IMPG1: variants seen among roughly 807,000 people sequenced by gnomAD.
IMPG1 encodes interphotoreceptor matrix proteoglycan 1.
Under a neutral mutation model 92.0 loss-of-function variants are expected in IMPG1, and 85 were observed. The ratio of observed to expected loss-of-function variants is 0.92; its 90% CI spans 0.78 to 1.11. The LOEUF is 1.11. Among genes scored for constraint, IMPG1 ranks in the 50% least tolerant of loss-of-function variants. IMPG1 has a pLI of 0.00. For missense variants in IMPG1, 1,022 were observed against 956.0 expected (o/e 1.07, Z -0.91); for synonymous variants, 367 against 334.1 (o/e 1.10, Z -1.08).
At chr6:75,976,084 A>AT (rs1469116572) in intron 12 of IMPG1, among the ~76,000 whole-genome samples, 1 of 152,076 alleles carries the variant, frequency 6.6e-6, no homozygotes, top group African/African-American at 2.4e-5. Flanking sequence ...TCTTTGGATT[A>AT]TTTTTGGAAC....
At chr6:76,013,247 A>ACC (rs1490252627) in intron 7 of IMPG1, among the ~76,000 whole-genome samples, 1 of 151,262 alleles carries the variant, frequency 6.6e-6, no homozygotes, top group Non-Finnish European at 1.5e-5. Flanking sequence ...GGCATTTAAG[A>ACC]CCCTCCAGAA....
At chr6:75,949,280 G>C (rs141635530) in intron 13 of IMPG1, among the ~76,000 whole-genome samples, 1 of 152,278 alleles carries the variant, frequency 6.6e-6, no homozygotes, top group African/African-American at 2.4e-5. Context: ...AGACCTTACT[G>C]ATAAAAGAAG....
intron 12 of IMPG1, among the ~76,000 whole-genome samples, chr6:75,962,662 C>T (rs191114640): frequency 1.3e-5 from 2 of 152,108 alleles, no homozygotes; most frequent in Admixed American, 6.5e-5. Flanking sequence ...AGTAGCTGTC[C>T]AGAGAGAAAG....
chr6:75,974,393 T>TCC (rs1562354842), intron 12 of IMPG1, among the ~76,000 whole-genome samples: 2,798 of 64,734 alleles, frequency 0.043, 129 homozygotes, highest in East Asian at 0.16. Flanking sequence ...CTTTCTTTCT[T>TCC]TTCTTTCTTT....
At chr6:75,978,197 C>T (rs992219098) in intron 12 of IMPG1, among the ~76,000 whole-genome samples, 1 of 150,932 alleles carries the variant, frequency 6.6e-6, no homozygotes, top group East Asian at 1.9e-4. Flanking sequence ...ATGTCAATTA[C>T]TTAATACTCG....
At chr6:76,056,534 T>C (rs1021956861) in intron 1 of IMPG1, among the ~76,000 whole-genome samples, 1 of 152,202 alleles carries the variant, frequency 6.6e-6, no homozygotes, top group Non-Finnish European at 1.5e-5. Context: ...ATTTCATTTT[T>C]TGGGCATGCA....
chr6:75,979,389 A>T (rs1782592330), intron 12 of IMPG1, among the ~76,000 whole-genome samples: 1 of 152,202 alleles, frequency 6.6e-6, no homozygotes, highest in Non-Finnish European at 1.5e-5. Flanking sequence ...ACATCCAATG[A>T]AGTGGCAGTG....
Position 75,997,714 on chromosome 6 carries a change from A to T in IMPG1, c.1291+5204T>A, listed in dbSNP as rs73466838. Among the ~76,000 whole-genome samples the T allele has an allele frequency of 8.7e-3, 1,321 of 152,324 alleles. 24 individuals carry two copies. Among genetic ancestry groups the T allele is most frequent in the African/African-American group, 0.03 (1,253 of 41,556 alleles). ...GCCCAACAAGGTCGACAGCAGTGAC[A>T]AATAGTTATGAAACTGCAATTATAT... On this transcript the variant is annotated intron_variant, in intron 12 of 16. Coordinates refer to ENST00000369950, the MANE Select transcript of IMPG1 (RefSeq NM_001563.4).
At chr6:75,927,436 A>G (rs1347398022) in intron 15 of IMPG1, among the ~76,000 whole-genome samples, 1 of 152,144 alleles carries the variant, frequency 6.6e-6, no homozygotes, top group Non-Finnish European at 1.5e-5. Context: ...AATAAATTTC[A>G]TCACATAAAT....
rs552545194 is a variant in IMPG1, at chr6:76,064,565, A to G, written c.67+7857T>C. ...GGAGACCTCAGCACATTTCACCGGG[A>G]GCTTCCCTTGCCACCCCTCTTAGGG... On this transcript the variant is annotated intron_variant, in intron 1 of 16. Coordinates refer to ENST00000369950, the MANE Select transcript of IMPG1 (RefSeq NM_001563.4). 2.4e-4 allele frequency among the ~76,000 whole-genome samples: 36 copies of G among 151,704 alleles called. No homozygotes were observed. In the South Asian group the frequency reaches 7.5e-3, roughly 32 times the overall value.
intron 14 of IMPG1, among the ~76,000 whole-genome samples, chr6:75,945,312 C>G (rs1001140007): frequency 2.7e-5 from 4 of 150,222 alleles, no homozygotes; most frequent in African/African-American, 4.9e-5. Context: ...AGTTAGTTCT[C>G]ATAATGTTAC....
At chr6:76,025,932 G>A (rs1783520263) in intron 4 of IMPG1, among the ~76,000 whole-genome samples, 1 of 152,130 alleles carries the variant, frequency 6.6e-6, no homozygotes, top group African/African-American at 2.4e-5. Context: ...ACTTAGAAAG[G>A]AGTAGTGGTG....
At chr6:76,015,528 C>G (rs374287491) in intron 7 of IMPG1, among the ~76,000 whole-genome samples, 2 of 151,260 alleles carry the variant, frequency 1.3e-5, no homozygotes, top group Non-Finnish European at 2.9e-5. Context: ...TGGCTGGGTG[C>G]GGTAGCTCAC....
At chr6:75,950,541 T>G in intron 13 of IMPG1, 21 bp downstream of exon 13, 2 of 1,554,540 alleles carry the variant, frequency 1.3e-6, no homozygotes, top group Non-Finnish European at 1.7e-6. Flanking sequence ...GAATTGGGAA[T>G]TGTGAGCAGT....
chr6:76,045,441 C>CTTTTTTTTTTT (rs10700038), intron 1 of IMPG1, among the ~76,000 whole-genome samples: 1 of 122,440 alleles, frequency 8.2e-6, no homozygotes. Flanking sequence ...CAACCTCCAT[C>CTTTTTTTTTTT]TTTTTTTTTT....
intron 12 of IMPG1, among the ~76,000 whole-genome samples, chr6:75,960,049 C>T (rs763333202): frequency 5.3e-5 from 8 of 152,160 alleles, no homozygotes; most frequent in Non-Finnish European, 8.8e-5. Flanking sequence ...ATGGGAAAAG[C>T]GTAGTATCTG....
At chr6:75,967,349 T>C (rs1782324217) in intron 12 of IMPG1, among the ~76,000 whole-genome samples, 1 of 151,922 alleles carries the variant, frequency 6.6e-6, no homozygotes, top group Non-Finnish European at 1.5e-5. Context: ...CTTTGGTGGG[T>C]TGGGGGTGAG....
chr6:76,044,933 C>A (rs952683073), intron 1 of IMPG1, among the ~76,000 whole-genome samples: 2 of 152,078 alleles, frequency 1.3e-5, no homozygotes, highest in African/African-American at 4.8e-5. Context: ...GAAGCAGGGG[C>A]GAGAAGGTCA....
chr6:76,002,340 C>T (rs1274163847), intron 12 of IMPG1, among the ~76,000 whole-genome samples: 1 of 152,148 alleles, frequency 6.6e-6, no homozygotes, highest in Non-Finnish European at 1.5e-5. Flanking sequence ...ATACTATTGC[C>T]TCAAAATTAA....
Sources: allele counts gnomAD v4.1 joint callset (sites outside exome capture counted in the v4.1 genomes callset), GRCh38; gene constraint gnomAD v4.1.1; transcripts MANE v1.5; gene names NCBI Gene and HGNC (gene_info 2026-07-23, HGNC 2026-07-21).